Variants in GABRG3 observed in about 807,000 individuals in gnomAD.
GABRG3 encodes the protein gamma-aminobutyric acid receptor subunit gamma-3.
GABRG3 carries 25 observed loss-of-function variants against 48.8 expected under a neutral mutation model. The observed-to-expected ratio is 0.51, with a 90% CI of 0.37 to 0.72. GABRG3 has a LOEUF of 0.72. GABRG3 is among the 30% of genes least tolerant of loss of function. The pLI, the probability that GABRG3 is intolerant of heterozygous loss-of-function variation, is 0.00. For synonymous variants in GABRG3, 227 were observed against 217.6 expected, an observed-to-expected ratio of 1.04 and a Z score of -0.38; for missense variants, 394 against 577.9, an observed-to-expected ratio of 0.68 and a Z score of 3.26.
At chr15:27,261,590 TAATTA>T (rs1890770851) in intron 3 of GABRG3, among the ~76,000 whole-genome samples, 1 of 151,090 alleles carries the variant, frequency 6.6e-6, no homozygotes, top group Non-Finnish European at 1.5e-5. Flanking sequence ...TGAAGGTGTG[TAATTA>T]AATATGTAAA....
At chr15:27,174,012 G>C (rs1176608728) in intron 3 of GABRG3, among the ~76,000 whole-genome samples, 2 of 152,136 alleles carry the variant, frequency 1.3e-5, no homozygotes, top group Admixed American at 1.3e-4. Flanking sequence ...TATTTTTGAT[G>C]GTGAAATATT....
At chr15:27,225,465 T>G (rs1255449792) in intron 3 of GABRG3, among the ~76,000 whole-genome samples, 1 of 152,200 alleles carries the variant, frequency 6.6e-6, no homozygotes, top group Non-Finnish European at 1.5e-5. Flanking sequence ...CTGACGATTT[T>G]ACTTATAAAG....
At position 27,508,909 on chromosome 15, in the gene GABRG3, T is replaced by C. The variant is rs531017925; in HGVS notation, c.713-11063T>C. Among the ~76,000 whole-genome samples the C allele has an allele frequency of 5.9e-5, 9 of 152,214 alleles. No individual in the cohort carries two copies. In the South Asian group the frequency reaches 1.0e-3, roughly 18 times the overall value. ...TGTTTCTTTGTATTTTTAGTAGAGA[T>C]GGGGTTTCACCGTGTTAGCCGGGAT... is the stretch of plus-strand genomic sequence containing the variant. On this transcript the variant is annotated intron_variant, in intron 6 of 9. Coordinates refer to ENST00000615808, the MANE Select transcript of GABRG3 (RefSeq NM_033223.5).
At chr15:27,193,634 T>G (rs1216611637) in intron 3 of GABRG3, among the ~76,000 whole-genome samples, 1 of 152,196 alleles carries the variant, frequency 6.6e-6, no homozygotes, top group African/African-American at 2.4e-5. Context: ...CCCCTTTCTT[T>G]GACTAGGAAA....
At chr15:27,360,615 C>T (rs1234133485) in intron 5 of GABRG3, among the ~76,000 whole-genome samples, 2 of 152,212 alleles carry the variant, frequency 1.3e-5, no homozygotes, top group Non-Finnish European at 2.9e-5. Context: ...TGCCCGACCT[C>T]TGTCTGGAAC....
chr15:27,494,281 G>GTA (rs2150850847), intron 6 of GABRG3, among the ~76,000 whole-genome samples: 1 of 151,736 alleles, frequency 6.6e-6, no homozygotes, highest in Non-Finnish European at 1.5e-5. Context: ...TATTAATATT[G>GTA]TATCAATTTG....
intron 3 of GABRG3, among the ~76,000 whole-genome samples, chr15:27,282,826 C>T (rs998800809): frequency 4.6e-5 from 7 of 152,006 alleles, no homozygotes; most frequent in South Asian, 2.1e-4. Context: ...GAGTATTATG[C>T]GATGAAACTG....
At chr15:27,522,434 GT>G (rs1891180989) in intron 7 of GABRG3, among the ~76,000 whole-genome samples, 1 of 148,744 alleles carries the variant, frequency 6.7e-6, no homozygotes, top group Non-Finnish European at 1.5e-5. Flanking sequence ...GTGCGGTGAA[GT>G]TTAAAAAAAA....
intron 3 of GABRG3, chr15:27,295,017 T>G (rs1277662833): frequency 6.6e-6 from 1 of 152,006 alleles, no homozygotes; most frequent in African/African-American, 2.4e-5. Flanking sequence ...GAAGGACAAA[T>G]GAAGCACTGG....
chr15:27,249,303 C>T (rs1890379089), intron 3 of GABRG3, among the ~76,000 whole-genome samples: 1 of 152,142 alleles, frequency 6.6e-6, no homozygotes. Context: ...GGGCTGGGCA[C>T]ATCCCCTGTT....
intron 3 of GABRG3, 107 bp from the exon 4 acceptor site, chr15:27,326,702 A>T (rs1175450860): frequency 1.2e-6 from 1 of 808,316 alleles, no homozygotes. Flanking sequence ...AGAATTGGGG[A>T]GGTGAGGATG....
At position 27,355,498 on chromosome 15, in the gene GABRG3, G is replaced by A. The variant is rs116096598; in HGVS notation, c.574+26610G>A. On this transcript the variant is annotated intron_variant, in intron 5 of 9. Transcript: ENST00000615808. ...ATAACAACAAGTGTTGGTGATGATA[G>A]AGAGCAAGCACTTTGCTGGTGGAAA... Among the ~76,000 whole-genome samples, 1,197 of 152,332 alleles carry A rather than the reference G, an allele frequency of 7.9e-3. 14 individuals are homozygous for A. Among genetic ancestry groups the A allele is most frequent in the African/African-American group, 0.027 (1,140 of 41,574 alleles).
chr15:27,276,887 A>C (rs114248683), intron 3 of GABRG3, among the ~76,000 whole-genome samples: 1 of 152,226 alleles, frequency 6.6e-6, no homozygotes, highest in African/African-American at 2.4e-5. Context: ...ATGTTTTATG[A>C]GGGTAGTACA....
In GABRG3 at chr15:27,326,940, C is replaced by A; in HGVS notation, c.402C>A (p.Arg134=). 6.2e-7 allele frequency: 1 copy of A among 1,613,990 alleles called. No individual in the cohort carries two copies. The highest frequency in any genetic ancestry group is 8.5e-7 in the Non-Finnish European group (1 of 1,179,892). Reference sequence around the variant, plus strand: ...TCTGGATCCCAGACACCATCTTCCGCAATTCTAAAACCGCAGAGGCTCACT... The same window carrying A: ...TCTGGATCCCAGACACCATCTTCCGAAATTCTAAAACCGCAGAGGCTCACT... ...GLIWIPDTIF[R]NSKTAEAHWI... is the part of the protein sequence containing the mutation. Residue 134 remains arginine (R), a synonymous_variant, in exon 4 of 10, where the codon CGC becomes CGA. Coordinates refer to ENST00000615808, the MANE Select transcript of GABRG3 (RefSeq NM_033223.5).
intron 5 of GABRG3, among the ~76,000 whole-genome samples, chr15:27,477,104 A>G (rs1889963109): frequency 6.6e-6 from 1 of 152,220 alleles, no homozygotes; most frequent in Admixed American, 6.5e-5. Context: ...TCAAAAGACA[A>G]GTCACATCCA....
chr15:27,359,617 ATAAAAT>A (rs779365289), intron 5 of GABRG3, among the ~76,000 whole-genome samples: 2 of 152,230 alleles, frequency 1.3e-5, no homozygotes, highest in Non-Finnish European at 2.9e-5. Flanking sequence ...ATAACAGAAC[ATAAAAT>A]TAAATAAAAA....
chr15:27,054,788 A>C (rs1896513607), intron 3 of GABRG3, among the ~76,000 whole-genome samples: 1 of 152,102 alleles, frequency 6.6e-6, no homozygotes, highest in Non-Finnish European at 1.5e-5. Flanking sequence ...TCGAGCGGGG[A>C]GGAACAGCTG....
At chr15:27,049,992 C>A (rs977704705) in intron 3 of GABRG3, among the ~76,000 whole-genome samples, 1 of 152,156 alleles carries the variant, frequency 6.6e-6, no homozygotes, top group Admixed American at 6.6e-5. Context: ...TTGAATAAGA[C>A]CTATAATAAG....
At chr15:27,111,032 T>C (rs1426620834) in intron 3 of GABRG3, among the ~76,000 whole-genome samples, 2 of 152,234 alleles carry the variant, frequency 1.3e-5, no homozygotes, top group African/African-American at 4.8e-5. Context: ...GCATGTGTTA[T>C]ATTAATATAT....
Sources: gnomAD v4.1 joint callset for allele counts (sites outside exome capture counted in the v4.1 genomes callset) on GRCh38, gnomAD v4.1.1 for gene constraint, MANE v1.5 for transcripts, NCBI Gene and HGNC (gene_info 2026-07-23, HGNC 2026-07-21) for gene names.